Variants in DSP observed in about 807,000 individuals in gnomAD.
DSP encodes the protein 250/210 kDa paraneoplastic pemphigus antigen.
In DSP, 114 loss-of-function variants were observed where a neutral mutation model predicts 290.6. That is an observed-to-expected ratio of 0.39 (90% confidence interval 0.34 to 0.46). The LOEUF is 0.46. Ranked by LOEUF, DSP falls within the 20% of genes least tolerant of loss-of-function variation. DSP has a pLI of 0.99. For missense variants in DSP, 3,230 were observed against 3,495.8 expected, an observed-to-expected ratio of 0.92 and a Z score of 1.92; for synonymous variants, 1,311 against 1,316.4, an observed-to-expected ratio of 1.00 and a Z score of 0.09.
In DSP at chr6:7,541,719, G is replaced by A; in HGVS notation, c.-197G>A. On this transcript the variant is annotated 5_prime_UTR_variant, in exon 1 of 24. Transcript: ENST00000379802. ...GAGCCACAGCTTTCCTCCCGCTCCT[G>A]CCCCCGGCCCGTCGCCGTCTCCGCG... is the stretch of plus-strand genomic sequence containing the variant. 1 of 636,698 alleles carries A rather than the reference G, an allele frequency of 1.6e-6. No homozygotes were observed. Among genetic ancestry groups the A allele is most frequent in the Non-Finnish European group, 2.6e-6 (1 of 387,172 alleles). 39.4% of individuals were successfully genotyped at this position (636,698 alleles called of 1,614,324 possible). A position where few individuals can be genotyped will look rare whatever the true frequency, so the allele number is the denominator to read the frequency against.
Position 7,566,381 on chromosome 6 carries a change from G to T in DSP, c.944G>T (p.Arg315Leu), listed in dbSNP as rs558825586. The change falls in exon 8 of 24, where the codon CGC becomes CTC. Residue 315 changes from arginine (R) to leucine (L), a missense_variant. By Grantham distance (102) the Arg-to-Leu change is moderately radical. Around this residue, in one of 5 missense-constraint regions of DSP, gnomAD observed 646 missense variants for 684.3 expected, o/e 0.94. Coordinates refer to ENST00000379802, the MANE Select transcript of DSP (RefSeq NM_004415.4). ...TTCTTATTTCTTCATTCACAGATACGCATGAGTCAACTGGAAGTTAAAGAA... is the reference window on the plus strand; with the variant it reads ...TTCTTATTTCTTCATTCACAGATACTCATGAGTCAACTGGAAGTTAAAGAA... ...IAQKQEAFSI[R>L]MSQLEVKEKE... The T allele has an allele frequency of 6.8e-6, 11 of 1,612,390 alleles. No homozygotes were observed. The highest frequency in any genetic ancestry group is 5.5e-5 in the South Asian group (5 of 91,052).
rs794728113 is a variant in DSP at position 7,569,279 on chromosome 6, G to T, written c.1513G>T (p.Val505Phe). The change falls in exon 12 of 24, where the codon GTT becomes TTT. Residue 505 changes from valine (V) to phenylalanine (F), a missense_variant. By Grantham distance (50) the Val-to-Phe change is conservative. Coordinates refer to ENST00000379802, the MANE Select transcript of DSP (RefSeq NM_004415.4). The part of the protein sequence containing the change: ...VTGPGGVDML[V>F]PSVGLIIPPP... ...GGGCCCGGGAGGCGTTGACATGCTT[G>T]TTCCCTCTGTGGGGCTGATCATCCC... The T allele has an allele frequency of 6.2e-7, 1 of 1,614,038 alleles. No homozygotes were observed. Among genetic ancestry groups the T allele is most frequent in the African/African-American group, 1.3e-5 (1 of 74,904 alleles).
intron 22 of DSP, 109 bp downstream of exon 22, chr6:7,578,671 T>C (rs941929817): frequency 8.7e-5 from 80 of 918,536 alleles, no homozygotes; most frequent in Non-Finnish European, 1.3e-4. Flanking sequence ...TGAAACTGTA[T>C]TTCCTCTAAA....
chr6:7,568,240 TCCTG>T (rs1287996924), intron 10 of DSP, among the ~76,000 whole-genome samples, 193 bp from the exon 11 acceptor site: 1 of 152,210 alleles, frequency 6.6e-6, no homozygotes, highest in Non-Finnish European at 1.5e-5. Context: ...CCCACTTAAT[TCCTG>T]CCTGCATAGC....
chr6:7,555,624 T>G, intron 1 of DSP, 94 bp from the exon 2 acceptor site: 72 of 1,055,020 alleles, frequency 6.8e-5, no homozygotes, highest in East Asian at 5.7e-4. Flanking sequence ...CAGGAGTGGT[T>G]TTGTCCCGTT....
Position 7,584,833 on chromosome 6 carries a change from C to T in DSP, c.7571C>T (p.Thr2524Ile). 6.2e-7 allele frequency: 1 copy of T among 1,614,192 alleles called. No homozygotes were observed. Among genetic ancestry groups the T allele is most frequent in the East Asian group, 2.2e-5 (1 of 44,882 alleles). ...STRVVLVDRK[T>I]GSQYDIQDAI... ...AGGGTGGTCCTGGTAGATAGAAAGA[C>T]AGGCAGTCAGTATGATATTCAAGAT... The change falls in exon 24 of 24, where the codon ACA becomes ATA. Residue 2524 changes from threonine (T) to isoleucine (I), a missense_variant. Physicochemically the swap from Thr to Ile is moderately conservative, Grantham distance 89. This residue lies in a region of DSP where 582 missense variants were observed against 555.4 expected (regional missense o/e 1.05). Transcript: ENST00000379802. This position sits in a 1 kb window ranked among gnomAD's most constrained non-coding sequence, Gnocchi z 6.4.
In DSP at chr6:7,580,265, A is replaced by G; in HGVS notation, c.4075A>G (p.Ile1359Val). ...SKVRNNYDEE[I>V]ISLKNQFETE... ...GGTAAGAAACAATTATGATGAGGAG[A>G]TCATTAGCTTAAAAAATCAGTTTGA... Residue 1359 changes from isoleucine (I) to valine (V), a missense_variant, in exon 23 of 24, where the codon ATC (isoleucine) becomes GTC (valine). By Grantham distance (29) the Ile-to-Val change is conservative. Around this residue, in one of 5 missense-constraint regions of DSP, gnomAD observed 1,714 missense variants for 1,844.5 expected, o/e 0.93. Transcript: ENST00000379802. The surrounding 1 kb of genome is among the most constrained non-coding windows in gnomAD (Gnocchi z 4.2). 1 of 1,613,866 alleles carries G rather than the reference A, an allele frequency of 6.2e-7. No individual in the cohort carries two copies. The highest frequency in any genetic ancestry group is 8.5e-7 in the Non-Finnish European group (1 of 1,179,954).
intron 3 of DSP, 35 bp downstream of exon 3, chr6:7,558,299 A>G: frequency 3.1e-6 from 5 of 1,600,952 alleles, no homozygotes; most frequent in Non-Finnish European, 4.3e-6. Flanking sequence ...GGCAGTCCCC[A>G]TGAAAAAGAA....
chr6:7,580,959 AGAGGAAGAAGCTG>A lies in DSP; in HGVS notation c.4778_4790del (p.Lys1593SerfsTer5). 6.2e-7 allele frequency: 1 copy of A among 1,614,108 alleles called. No individual in the cohort carries two copies. Among genetic ancestry groups the A allele is most frequent in the Non-Finnish European group, 8.5e-7 (1 of 1,180,012 alleles). On this transcript the variant is annotated frameshift_variant, in exon 23 of 24. Transcript: ENST00000379802. LOFTEE classifies it high-confidence loss of function. The surrounding 1 kb of genome is among the most constrained non-coding windows in gnomAD (Gnocchi z 4.2). ...AGGACCGCGTCAGAAGACTCCTGCA[AGAGGAAGAAGCTG>A]GAGGAAGAGCTGGAAGGCATGAGGA...
intron 18 of DSP, among the ~76,000 whole-genome samples, chr6:7,575,715 C>G (rs1759221290): frequency 6.6e-6 from 1 of 152,198 alleles, no homozygotes; most frequent in African/African-American, 2.4e-5. Context: ...CATCCAGGGT[C>G]TTAGAGAAAC....
chr6:7,543,012 G>T (rs1459839536), intron 1 of DSP, among the ~76,000 whole-genome samples: 2 of 152,200 alleles, frequency 1.3e-5, no homozygotes, highest in African/African-American at 4.8e-5. Flanking sequence ...CCCGGTGAGA[G>T]GGTCAGCTTC....
chr6:7,549,087 T>C (rs994722214), intron 1 of DSP, among the ~76,000 whole-genome samples: 1 of 152,114 alleles, frequency 6.6e-6, no homozygotes, highest in African/African-American at 2.4e-5. Context: ...ACTTTTGAAG[T>C]TCTGAACTTT....
Position 7,541,908 on chromosome 6 carries a change from C to G in DSP, c.-8C>G, listed in dbSNP as rs1048161643. 2.5e-6 allele frequency: 4 copies of G among 1,603,174 alleles called. No homozygotes were observed. In the African/African-American group the frequency reaches 4.1e-5, roughly 17 times the overall value. ...GGCGCTGAGCCGCTCTCCCGATTGC[C>G]CGCCGACATGAGCTGCAACGGAGGC... On this transcript the variant is annotated 5_prime_UTR_variant, in exon 1 of 24. Transcript: ENST00000379802.
At position 7,579,928 on chromosome 6, in the gene DSP, T is replaced by C; in HGVS notation, c.3738T>C (p.Asn1246=). ...AGCTTGATAGACTTTCAAGGGAAAA[T>C]CGAGATCTGAAGGATGAAATTGTCA... ...RNQLDRLSRE[N]RDLKDEIVRL... The change falls in exon 23 of 24, where the codon AAT becomes AAC. Residue 1246 remains asparagine (N), a synonymous_variant. Transcript: ENST00000379802. This position sits in a 1 kb window ranked among gnomAD's most constrained non-coding sequence, Gnocchi z 4.1. The C allele has an allele frequency of 6.2e-7, 1 of 1,613,890 alleles. No homozygotes were observed. The highest frequency in any genetic ancestry group is 8.5e-7 in the Non-Finnish European group (1 of 1,179,976).
intron 3 of DSP, 91 bp downstream of exon 3, chr6:7,558,355 T>C: frequency 2.6e-6 from 4 of 1,526,208 alleles, no homozygotes; most frequent in Non-Finnish European, 3.6e-6. Flanking sequence ...AGGGCTTCCT[T>C]TGAAGGCAGC....
chr6:7,543,658 G>C (rs1047305105), intron 1 of DSP, among the ~76,000 whole-genome samples: 2 of 152,110 alleles, frequency 1.3e-5, no homozygotes, highest in Non-Finnish European at 2.9e-5. Flanking sequence ...ATCCAAGTCA[G>C]AATAGAATGC....
At position 7,580,035 on chromosome 6, in the gene DSP, C is replaced by G. The variant is rs778780656; in HGVS notation, c.3845C>G (p.Ser1282Cys). The change falls in exon 23 of 24, where the codon TCT becomes TGT. Residue 1282 changes from serine to cysteine, a missense_variant. Ser to Cys is a moderately radical substitution (Grantham distance 112). This residue lies in a region of DSP where 1,714 missense variants were observed against 1,844.5 expected (regional missense o/e 0.93). Transcript: ENST00000379802. This position sits in a 1 kb window ranked among gnomAD's most constrained non-coding sequence, Gnocchi z 4.2. ...GCCCTTCAGCAAAAGGCCTGTGGCT[C>G]TGAGATAATGCAGAAGAAGCAGCAT... is the stretch of plus-strand genomic sequence containing the variant. ...ENALQQKACGSEIMQKKQHLE... is the reference protein window; with the variant it reads ...ENALQQKACGCEIMQKKQHLE... 1.9e-6 allele frequency: 3 copies of G among 1,613,902 alleles called. No individual in the cohort carries two copies. In the South Asian group the frequency reaches 3.3e-5, roughly 18 times the overall value.
rs1759561265 is a variant in DSP, at chr6:7,584,435, A to G, written c.7173A>G (p.Ala2391=). 6.2e-7 allele frequency: 1 copy of G among 1,614,226 alleles called. No individual in the cohort carries two copies. ...GCCATCGTTTACCAGTTGACATAGC[A>G]TATAAGAGGGGCTATTTCAATGAGG... ...KESHRLPVDI[A]YKRGYFNEEL... Residue 2391 remains alanine (A), a synonymous_variant, in exon 24 of 24, where the codon GCA becomes GCG. Coordinates refer to ENST00000379802, the MANE Select transcript of DSP (RefSeq NM_004415.4). The surrounding 1 kb of genome is among the most constrained non-coding windows in gnomAD (Gnocchi z 6.4).
rs746816016 is a variant in DSP, at chr6:7,569,210, T to G, written c.1444T>G (p.Cys482Gly). ...GAAAATCGTGCATAAGGGGGATGAGTGTATCCTGAAGGACAACAACGAGCG... is the reference window on the plus strand; with the variant it reads ...GAAAATCGTGCATAAGGGGGATGAGGGTATCCTGAAGGACAACAACGAGCG... ...DQKIVHKGDE[C>G]ILKDNNERSK... The change falls in exon 12 of 24, where the codon TGT becomes GGT. Residue 482 changes from cysteine to glycine, a missense_variant. Physicochemically the swap from Cys to Gly is radical, Grantham distance 159. Transcript: ENST00000379802. 5.0e-6 allele frequency: 8 copies of G among 1,613,890 alleles called. No homozygotes were observed.
Sources: allele counts gnomAD v4.1 joint callset (sites outside exome capture counted in the v4.1 genomes callset), GRCh38; gene constraint gnomAD v4.1.1; regional missense constraint gnomAD v4.1.1; non-coding constraint Gnocchi (gnomAD v3.1); transcripts MANE v1.5; gene names NCBI Gene and HGNC (gene_info 2026-07-23, HGNC 2026-07-21).